The following FRMD6 variants were observed in gnomAD, a reference collection of about 807,000 sequenced individuals.
FRMD6 encodes FERM domain-containing protein 6.
FRMD6 carries 37 observed loss-of-function variants against 73.2 expected under a neutral mutation model. That is an observed-to-expected ratio of 0.51 (90% CI 0.39 to 0.66). FRMD6 has a LOEUF of 0.66. Among genes scored for constraint, FRMD6 ranks in the 30% least tolerant of loss-of-function variants. The pLI is 0.00. For missense variants in FRMD6, 714 were observed against 780.5 expected, an observed-to-expected ratio of 0.91 and a Z score of 1.02; for synonymous variants, 273 against 282.2, an observed-to-expected ratio of 0.97 and a Z score of 0.33.
chr14:51,672,726 A>G (rs1453063177), intron 1 of FRMD6, among the ~76,000 whole-genome samples: 2 of 152,116 alleles, frequency 1.3e-5, no homozygotes, highest in Non-Finnish European at 2.9e-5. Flanking sequence ...TTTCGTCTTG[A>G]ATGAGCTTTG....
intron 2 of FRMD6, among the ~76,000 whole-genome samples, chr14:51,599,161 G>T (rs779343375): frequency 7.0e-6 from 1 of 142,360 alleles, no homozygotes; most frequent in Non-Finnish European, 1.5e-5. Context: ...TTATTATGAT[G>T]TTGAGCATTT....
chr14:51,569,771 A>G (rs557779504), intron 1 of FRMD6, among the ~76,000 whole-genome samples: 2 of 149,694 alleles, frequency 1.3e-5, no homozygotes, highest in East Asian at 3.9e-4. Flanking sequence ...CAAAGAGCTG[A>G]GATTACAGGC....
At chr14:51,470,350 C>T in the FRMD6 span, among the ~76,000 whole-genome samples, 1 of 152,134 alleles carries the variant, frequency 6.6e-6, no homozygotes, top group Non-Finnish European at 1.5e-5. Context: ...AACCCTGTCT[C>T]TACTAAAAAT....
intron 1 of FRMD6, among the ~76,000 whole-genome samples, chr14:51,551,408 C>A (rs1317713614): frequency 6.6e-6 from 1 of 151,992 alleles, no homozygotes. Context: ...ACACAGAGAA[C>A]AATTATTTGT....
rs1368739165 is a variant in FRMD6 at position 51,726,277 on chromosome 14, TGAGCCTA to T, written c.1584+412_1584+418del. On this transcript the variant is annotated intron_variant, in intron 13 of 13. Coordinates refer to ENST00000344768, the MANE Select transcript of FRMD6 (RefSeq NM_001267046.2). Reference sequence around the variant, plus strand: ...TTCAGATTGAATTTTCAAAGTATGCTGAGCCTAGAGCATTTGACAACCTGTGATCATT... The same window carrying T: ...TTCAGATTGAATTTTCAAAGTATGCTGAGCATTTGACAACCTGTGATCATT... Among the ~76,000 whole-genome samples, 5 of 152,352 alleles carry T rather than the reference TGAGCCTA, an allele frequency of 3.3e-5. No homozygotes were observed. In the East Asian group the frequency reaches 9.6e-4, roughly 29 times the overall value.
intron 1 of FRMD6, among the ~76,000 whole-genome samples, chr14:51,498,245 C>T (rs576075103): frequency 6.6e-6 from 1 of 152,278 alleles, no homozygotes; most frequent in African/African-American, 2.4e-5. Flanking sequence ...TTTTGCTTTA[C>T]AAGTTACCAC....
chr14:51,615,215 T>A (rs1890662009), intron 2 of FRMD6, among the ~76,000 whole-genome samples: 1 of 152,160 alleles, frequency 6.6e-6, no homozygotes, highest in South Asian at 2.1e-4. Context: ...AAAGAAATGG[T>A]GTTGGATTCT....
chr14:51,550,325 G>C (rs1261611036), intron 1 of FRMD6, among the ~76,000 whole-genome samples: 3 of 152,072 alleles, frequency 2.0e-5, no homozygotes, highest in African/African-American at 7.2e-5. Flanking sequence ...TGCAGCCTTG[G>C]CCTCCCTGGG....
In FRMD6 at chr14:51,715,450, G is replaced by C. The variant is rs998112401; in HGVS notation, c.975G>C (p.Met325Ile). The change falls in exon 10 of 14, where the codon ATG (methionine) becomes ATC (isoleucine). Residue 325 changes from methionine (M) to isoleucine (I), a missense_variant. Coordinates refer to ENST00000344768, the MANE Select transcript of FRMD6 (RefSeq NM_001267046.2). ...QLLSNSHRLYMNLQPVLRHIR... is the reference protein window; with the variant it reads ...QLLSNSHRLYINLQPVLRHIR... ...TGAGCAACAGCCACCGCCTCTATAT[G>C]AATCTGCAGCCTGTCCTGCGCCATA... 9.9e-6 allele frequency: 16 copies of C among 1,613,678 alleles called. No homozygotes were observed. The highest frequency in any genetic ancestry group is 1.4e-5 in the Non-Finnish European group (16 of 1,179,822).
At chr14:51,725,999 ATTC>A (rs564368116) in intron 13 of FRMD6, 129 bp downstream of exon 13, 395 of 575,124 alleles carry the variant, frequency 6.9e-4, no homozygotes, top group Non-Finnish European at 1.0e-3. Context: ...AGATACGTAC[ATTC>A]TAGCTTTATT....
At chr14:51,642,447 G>T (rs1300720919) in intron 2 of FRMD6, among the ~76,000 whole-genome samples, 1 of 152,168 alleles carries the variant, frequency 6.6e-6, no homozygotes, top group Non-Finnish European at 1.5e-5. Context: ...GACTGAGGCA[G>T]AATTGCTTGA....
chr14:51,652,634 C>T (rs947245101), intron 1 of FRMD6, among the ~76,000 whole-genome samples: 8 of 152,224 alleles, frequency 5.3e-5, no homozygotes, highest in African/African-American at 1.7e-4. Flanking sequence ...GGAGGTTGAG[C>T]TGGGGCAGAT....
intron 1 of FRMD6, among the ~76,000 whole-genome samples, chr14:51,532,749 CATT>C (rs1307460727): frequency 6.6e-6 from 1 of 152,222 alleles, no homozygotes; most frequent in Non-Finnish European, 1.5e-5. Flanking sequence ...TTAGTTCTGT[CATT>C]ATTTTCAGAA....
intron 1 of FRMD6, among the ~76,000 whole-genome samples, chr14:51,529,403 G>C (rs987284496): frequency 6.6e-6 from 1 of 152,204 alleles, no homozygotes; most frequent in African/African-American, 2.4e-5. Context: ...AGTGGTTGAT[G>C]TTTAATAAGC....
the FRMD6 span, among the ~76,000 whole-genome samples, chr14:51,441,995 G>A: frequency 1.3e-5 from 2 of 152,152 alleles, no homozygotes; most frequent in Admixed American, 1.3e-4. Flanking sequence ...TTCTTGACAA[G>A]CCTTACAGGC....
chr14:51,643,941 G>A (rs964892887), intron 2 of FRMD6, among the ~76,000 whole-genome samples: 2 of 152,082 alleles, frequency 1.3e-5, no homozygotes, highest in African/African-American at 4.8e-5. Context: ...AAAGCTGGAG[G>A]ATGTATAGTT....
chr14:51,728,080 C>G lies in FRMD6; in HGVS notation c.*51C>G. On this transcript the variant is annotated 3_prime_UTR_variant, in exon 14 of 14. Coordinates refer to ENST00000344768, the MANE Select transcript of FRMD6 (RefSeq NM_001267046.2). ...GCAGCTTACTGTTTGCTAGAGGATG[C>G]GAAAGTCATAAGTTCTTTACATATT... 1 of 1,529,014 alleles carries G rather than the reference C, an allele frequency of 6.5e-7. No homozygotes were observed. The highest frequency in any genetic ancestry group is 8.9e-7 in the Non-Finnish European group (1 of 1,125,154). The allele number at this position is 1,529,014 out of a possible 1,614,324, so 94.7% of individuals were successfully genotyped here. A position where few individuals can be genotyped will look rare whatever the true frequency, so the allele number is the denominator to read the frequency against.
chr14:51,609,181 G>C (rs754337771), intron 2 of FRMD6, among the ~76,000 whole-genome samples: 1 of 152,068 alleles, frequency 6.6e-6, no homozygotes, highest in Non-Finnish European at 1.5e-5. Flanking sequence ...AGGAAACCTA[G>C]TTATGAATAT....
chr14:51,483,951 C>T, the FRMD6 span, among the ~76,000 whole-genome samples: 1 of 152,040 alleles, frequency 6.6e-6, no homozygotes, highest in Non-Finnish European at 1.5e-5. Flanking sequence ...AGTAACTCAC[C>T]CAAAGCCACA....
Sources: gnomAD v4.1 joint callset for allele counts (sites outside exome capture counted in the v4.1 genomes callset) on GRCh38, gnomAD v4.1.1 for gene constraint, MANE v1.5 for transcripts, NCBI Gene and HGNC (gene_info 2026-07-23, HGNC 2026-07-21) for gene names.